Variants in ZNF462 observed in about 807,000 individuals in gnomAD.
The protein encoded by ZNF462 is zinc finger PBX1-interacting protein.
A neutral mutation model predicts 201.9 loss-of-function variants in ZNF462; 10 were observed. That is an observed-to-expected ratio of 0.05 (90% CI 0.03 to 0.08). ZNF462 has a LOEUF of 0.08. Ranked by LOEUF, ZNF462 falls within the 10% of genes least tolerant of loss-of-function variation. ZNF462 has a pLI of 1.00. For missense variants in ZNF462, 2,523 were observed against 3,168.3 expected (o/e 0.80, Z 4.89); for synonymous variants, 1,227 against 1,193.3 (o/e 1.03, Z -0.58).
chr9:106,895,520 C>T lies in ZNF462; in HGVS notation c.-30-27834C>T, dbSNP rs1000070520. Among the ~76,000 whole-genome samples, 3 of 152,180 alleles carry T rather than the reference C, an allele frequency of 2.0e-5. No homozygotes were observed. The South Asian group carries it at 6.2e-4, about 32-fold the overall frequency. The stretch of plus-strand genomic sequence containing the variant: ...CTAGCAAAATAATCTTGATAGGGCA[C>T]AGCTTTCGTTATATCACATTGCCCT... On this transcript the variant is annotated intron_variant, in intron 1 of 12. Transcript: ENST00000277225. This position sits in a 1 kb window ranked among gnomAD's most constrained non-coding sequence, Gnocchi z 4.4.
rs1829837057 is a variant in ZNF462 at position 106,917,848 on chromosome 9, A to ATT, written c.-30-5505_-30-5504insTT. Among the ~76,000 whole-genome samples, 7 of 145,666 alleles carry ATT rather than the reference A, an allele frequency of 4.8e-5. No individual in the cohort carries two copies. In the East Asian group the frequency reaches 8.0e-4, roughly 17 times the overall value. On this transcript the variant is annotated intron_variant, in intron 1 of 12. Transcript: ENST00000277225. This position sits in a 1 kb window ranked among gnomAD's most constrained non-coding sequence, Gnocchi z 4.5. ...TATTTTGCTGGTTTATTATTTTTTT[A>ATT]TATTTATTTATTTATTTATTTATTT...
chr9:106,908,908 TACATATATATATATATATATATATATATA>T (rs1564090628), intron 1 of ZNF462, among the ~76,000 whole-genome samples: 2 of 71,086 alleles, frequency 2.8e-5, no homozygotes, highest in Non-Finnish European at 5.2e-5. Flanking sequence ...TGCCCATATA[TACATATATATATATATATATATATATATA>T]TATATTTTTT....
chr9:106,932,912 A>T lies in ZNF462; in HGVS notation c.6116+363A>T. ...GAAGTAAAGTCCATTTAGAAAACTG[A>T]GTTGCTAAAGAGGTAAAATTAGGAC... On this transcript the variant is annotated intron_variant, in intron 5 of 12. Transcript: ENST00000277225. The surrounding 1 kb of genome is among the most constrained non-coding windows in gnomAD (Gnocchi z 6.8). 5.8e-6 allele frequency: 2 copies of T among 344,644 alleles called. No homozygotes were observed. The highest frequency in any genetic ancestry group is 1.1e-5 in the Non-Finnish European group (2 of 188,130). The allele number at this position is 344,644 out of a possible 1,614,324, so 21.3% of individuals were successfully genotyped here.
chr9:107,002,038 G>A (rs1482729832), intron 10 of ZNF462, among the ~76,000 whole-genome samples: 1 of 152,124 alleles, frequency 6.6e-6, no homozygotes, highest in Non-Finnish European at 1.5e-5. Flanking sequence ...TGTCACAGTC[G>A]ATAATGATGT....
In ZNF462 at chr9:106,957,418, G is replaced by T. The variant is rs77962593; in HGVS notation, c.6428-14587G>T. ...TCAAAGATCACACATCACCGTAACAGAAATTATAATAACATTTGAAATATT... is the reference window on the plus strand; with the variant it reads ...TCAAAGATCACACATCACCGTAACATAAATTATAATAACATTTGAAATATT... On this transcript the variant is annotated intron_variant, in intron 7 of 12. Transcript: ENST00000277225. Among the ~76,000 whole-genome samples the T allele has an allele frequency of 2.5e-3, 384 of 152,208 alleles. 3 individuals are homozygous for T. Among genetic ancestry groups the T allele is most frequent in the African/African-American group, 9.1e-3 (378 of 41,542 alleles).
rs559997781 is a variant in ZNF462, at chr9:106,864,453, C to A, written c.-31+1098C>A. Reference sequence around the variant, plus strand: ...CAGGCACGAGGGGAAGCCGCAGCCGCCCCCCATTGGAGCAGCCCCTCTTTC... The same window carrying A: ...CAGGCACGAGGGGAAGCCGCAGCCGACCCCCATTGGAGCAGCCCCTCTTTC... On this transcript the variant is annotated intron_variant, in intron 1 of 12. Coordinates refer to ENST00000277225, the MANE Select transcript of ZNF462 (RefSeq NM_021224.6). 4.1e-4 allele frequency among the ~76,000 whole-genome samples: 62 copies of A among 152,054 alleles called. 1 individual carries two copies. In the South Asian group the frequency reaches 0.013, roughly 32 times the overall value.
Position 106,938,856 on chromosome 9 carries a change from G to C in ZNF462, c.6236-60G>C. On this transcript the variant is annotated intron_variant, in intron 6 of 12. Transcript: ENST00000277225. This position sits in a 1 kb window ranked among gnomAD's most constrained non-coding sequence, Gnocchi z 4.4. ...AACTGAGTTATCTTGTTTCCACCCT[G>C]GCCTTATACCCTTCTCCCCTCTTTT... The C allele has an allele frequency of 6.7e-7, 1 of 1,496,204 alleles. No individual in the cohort carries two copies. The highest frequency in any genetic ancestry group is 9.0e-7 in the Non-Finnish European group (1 of 1,110,562). The allele number at this position is 1,496,204 out of a possible 1,614,324, so 92.7% of individuals were successfully genotyped here. A position where few individuals can be genotyped will look rare whatever the true frequency, so the allele number is the denominator to read the frequency against.
chr9:106,927,743 C>G lies in ZNF462; in HGVS notation c.3831C>G (p.Phe1277Leu). 6.2e-7 allele frequency: 1 copy of G among 1,614,160 alleles called. No individual in the cohort carries two copies. The highest frequency in any genetic ancestry group is 8.5e-7 in the Non-Finnish European group (1 of 1,180,036). ...AGTGCTCATATACCTCCCCCTACTT[C>G]TATGCACTGAGGAAGCATATCAAGA... ...CRQCSYTSPY[F>L]YALRKHIKKD... Residue 1277 changes from phenylalanine (F) to leucine (L), a missense_variant, in exon 3 of 13, where the codon TTC becomes TTG. This residue lies in a region of ZNF462 where 222 missense variants were observed against 271.6 expected (regional missense o/e 0.82). Coordinates refer to ENST00000277225, the MANE Select transcript of ZNF462 (RefSeq NM_021224.6).
chr9:106,865,551 C>CT lies in ZNF462; in HGVS notation c.-31+2196_-31+2197insT, dbSNP rs1482704454. 6.6e-6 allele frequency among the ~76,000 whole-genome samples: 1 copy of CT among 152,194 alleles called. No homozygotes were observed. The highest frequency in any genetic ancestry group is 2.4e-5 in the African/African-American group (1 of 41,438). ...GCTAACACCAGTTTCTCCAGGTTCT[C>CT]CATTTCTCTTCAGGTCGTTCCATTT... On this transcript the variant is annotated intron_variant, in intron 1 of 12. Coordinates refer to ENST00000277225, the MANE Select transcript of ZNF462 (RefSeq NM_021224.6). The surrounding 1 kb of genome is among the most constrained non-coding windows in gnomAD (Gnocchi z 4.1).
intron 7 of ZNF462, among the ~76,000 whole-genome samples, chr9:106,958,629 T>C (rs1831686868): frequency 6.6e-6 from 1 of 152,148 alleles, no homozygotes; most frequent in African/African-American, 2.4e-5. Flanking sequence ...CATACTTAGC[T>C]GTGCCAGAAG....
chr9:106,941,049 T>C (rs1348841817), intron 7 of ZNF462, among the ~76,000 whole-genome samples: 1 of 152,198 alleles, frequency 6.6e-6, no homozygotes, highest in African/African-American at 2.4e-5. Flanking sequence ...CTGGGACATT[T>C]TTCTCAATGT....
chr9:106,886,555 A>G lies in ZNF462; in HGVS notation c.-31+23200A>G, dbSNP rs1828327906. 6.6e-6 allele frequency among the ~76,000 whole-genome samples: 1 copy of G among 152,134 alleles called. No individual in the cohort carries two copies. Among genetic ancestry groups the G allele is most frequent in the African/African-American group, 2.4e-5 (1 of 41,428 alleles). ...GTCAGCTACAAAAAAAATAGAAGAGATAGGGTCTGAAAAGGAAGGAGCTCC... is the reference window on the plus strand; with the variant it reads ...GTCAGCTACAAAAAAAATAGAAGAGGTAGGGTCTGAAAAGGAAGGAGCTCC... On this transcript the variant is annotated intron_variant, in intron 1 of 12. Transcript: ENST00000277225. The surrounding 1 kb of genome is among the most constrained non-coding windows in gnomAD (Gnocchi z 4.6).
intron 1 of ZNF462, among the ~76,000 whole-genome samples, chr9:106,893,582 A>G (rs1314754246): frequency 1.3e-5 from 2 of 152,198 alleles, no homozygotes; most frequent in Non-Finnish European, 1.5e-5. Context: ...ACTCGAAGCG[A>G]TATCTCCTAA....
At position 106,928,910 on chromosome 9, in the gene ZNF462, G is replaced by C; in HGVS notation, c.4998G>C (p.Lys1666Asn). 6.2e-7 allele frequency: 1 copy of C among 1,614,070 alleles called. No homozygotes were observed. The highest frequency in any genetic ancestry group is 1.1e-5 in the South Asian group (1 of 91,062). Residue 1666 changes from lysine (K) to asparagine (N), a missense_variant, in exon 3 of 13, where the codon AAG (lysine) becomes AAC (asparagine). Lys to Asn is a moderately conservative substitution (Grantham distance 94). Coordinates refer to ENST00000277225, the MANE Select transcript of ZNF462 (RefSeq NM_021224.6). The surrounding 1 kb of genome is among the most constrained non-coding windows in gnomAD (Gnocchi z 9.3). ...CTGTGTTCCGGTGCCAGCTCTGCAAGTACTTCTGCTCCACGAGGAAGGGGA... is the reference window on the plus strand; with the variant it reads ...CTGTGTTCCGGTGCCAGCTCTGCAACTACTTCTGCTCCACGAGGAAGGGGA... The part of the protein sequence containing the change: ...SHTVFRCQLC[K>N]YFCSTRKGIA...
At chr9:106,992,542 G>A (rs1460403942) in intron 10 of ZNF462, among the ~76,000 whole-genome samples, 2 of 152,100 alleles carry the variant, frequency 1.3e-5, no homozygotes, top group Non-Finnish European at 2.9e-5. Context: ...GTACTATTCA[G>A]CGATGAAAAA....
rs1011617227 is a variant in ZNF462, at chr9:106,932,003, G to A, written c.6013-443G>A. On this transcript the variant is annotated intron_variant, in intron 4 of 12. Coordinates refer to ENST00000277225, the MANE Select transcript of ZNF462 (RefSeq NM_021224.6). This position sits in a 1 kb window ranked among gnomAD's most constrained non-coding sequence, Gnocchi z 6.8. Reference sequence around the variant, plus strand: ...AAGAAGTGAGTGAAGTGTCTTCAGAGTGGGAGAAGCCCTTGTTCACATTTC... The same window carrying A: ...AAGAAGTGAGTGAAGTGTCTTCAGAATGGGAGAAGCCCTTGTTCACATTTC... Among the ~76,000 whole-genome samples, 1 of 152,218 alleles carries A rather than the reference G, an allele frequency of 6.6e-6. No individual in the cohort carries two copies. The highest frequency in any genetic ancestry group is 1.5e-5 in the Non-Finnish European group (1 of 68,044).
In ZNF462 at chr9:106,883,381, C is replaced by G. The variant is rs1828186689; in HGVS notation, c.-31+20026C>G. Among the ~76,000 whole-genome samples the G allele has an allele frequency of 6.6e-6, 1 of 152,096 alleles. No individual in the cohort carries two copies. Among genetic ancestry groups the G allele is most frequent in the African/African-American group, 2.4e-5 (1 of 41,392 alleles). ...AAGCAGAGACCATATTAATGCTGGC[C>G]CAGTGAAGGCAGAATAGTGTGCGGA... On this transcript the variant is annotated intron_variant, in intron 1 of 12. Transcript: ENST00000277225. The surrounding 1 kb of genome is among the most constrained non-coding windows in gnomAD (Gnocchi z 4.9).
rs1301628702 is a variant in ZNF462, at chr9:106,883,029, C to A, written c.-31+19674C>A. 6.6e-6 allele frequency among the ~76,000 whole-genome samples: 1 copy of A among 152,182 alleles called. No homozygotes were observed. Among genetic ancestry groups the A allele is most frequent in the Admixed American group, 6.5e-5 (1 of 15,276 alleles). On this transcript the variant is annotated intron_variant, in intron 1 of 12. Transcript: ENST00000277225. The surrounding 1 kb of genome is among the most constrained non-coding windows in gnomAD (Gnocchi z 4.9). The stretch of plus-strand genomic sequence containing the variant: ...CAGATTCAGAAAACATCCTTCTTCA[C>A]CTTTGACTTTAGTTCTTGAACATTT...
At position 107,009,849 on chromosome 9, in the gene ZNF462, T is replaced by G. The variant is rs1185690585; in HGVS notation, c.7313+181T>G. Among the ~76,000 whole-genome samples the G allele has an allele frequency of 6.6e-6, 1 of 152,084 alleles. No homozygotes were observed. Among genetic ancestry groups the G allele is most frequent in the Non-Finnish European group, 1.5e-5 (1 of 68,014 alleles). ...CCTTTTCTGTTGTTTTTTAAAATGG[T>G]CACCCAGCCGCAAGTCAAATAGGGA... is the stretch of plus-strand genomic sequence containing the variant. On this transcript the variant is annotated intron_variant, in intron 12 of 12. Coordinates refer to ENST00000277225, the MANE Select transcript of ZNF462 (RefSeq NM_021224.6). The surrounding 1 kb of genome is among the most constrained non-coding windows in gnomAD (Gnocchi z 6.1).
Sources: allele counts gnomAD v4.1 joint callset (sites outside exome capture counted in the v4.1 genomes callset), GRCh38; gene constraint gnomAD v4.1.1; regional missense constraint gnomAD v4.1.1; non-coding constraint Gnocchi (gnomAD v3.1); transcripts MANE v1.5; gene names NCBI Gene and HGNC (gene_info 2026-07-23, HGNC 2026-07-21).